The following THADA variants were observed in gnomAD, a reference collection of about 807,000 sequenced individuals.
THADA encodes the protein tRNA (32-2'-O)-methyltransferase regulator THADA.
THADA carries 213 observed loss-of-function variants against 219.8 expected under a neutral mutation model. The observed-to-expected ratio is 0.97, with a 90% CI of 0.87 to 1.09. THADA has a LOEUF of 1.09. Ranked by LOEUF, THADA falls within the 50% of genes least tolerant of loss-of-function variation. The pLI is 0.00. For synonymous variants in THADA, 1,018 were observed against 828.9 expected (o/e 1.23, Z -3.92); for missense variants, 2,956 against 2,311.3 (o/e 1.28, Z -5.72).
intron 26 of THADA, among the ~76,000 whole-genome samples, chr2:43,483,313 A>G (rs1427299193): frequency 3.3e-5 from 5 of 152,244 alleles, no homozygotes; most frequent in Non-Finnish European, 2.9e-5. Flanking sequence ...ACAGGCATAT[A>G]AACATTTAAA....
chr2:43,499,006 C>A, intron 24 of THADA, 51 bp from the exon 25 acceptor site: 1 of 1,540,500 alleles, frequency 6.5e-7, no homozygotes, highest in Non-Finnish European at 8.8e-7. Context: ...ATGGCTAATT[C>A]TAAATCTACA....
intron 29 of THADA, among the ~76,000 whole-genome samples, chr2:43,373,170 T>G (rs1350723954): frequency 6.6e-6 from 1 of 152,220 alleles, no homozygotes; most frequent in Non-Finnish European, 1.5e-5. Flanking sequence ...ATGTATTGGG[T>G]GTTTAAGGTT....
chr2:43,521,448 C>T (rs979978946), intron 22 of THADA, among the ~76,000 whole-genome samples: 3 of 152,056 alleles, frequency 2.0e-5, no homozygotes, highest in African/African-American at 4.8e-5. Flanking sequence ...CCCAGCTACT[C>T]GGGAGGCTGA....
At chr2:43,271,469 G>C (rs541052555) in intron 36 of THADA, among the ~76,000 whole-genome samples, 1 of 152,056 alleles carries the variant, frequency 6.6e-6, no homozygotes, top group Admixed American at 6.5e-5. Flanking sequence ...TTCTTACTGG[G>C]TTTAACTACT....
chr2:43,362,047 G>A (rs1477856317), intron 29 of THADA, among the ~76,000 whole-genome samples: 1 of 152,184 alleles, frequency 6.6e-6, no homozygotes. Context: ...AATAGGCTAA[G>A]AAAGCACATT....
intron 36 of THADA, among the ~76,000 whole-genome samples, chr2:43,262,105 CAT>C (rs1319981840): frequency 1.3e-5 from 2 of 152,312 alleles, no homozygotes; most frequent in Non-Finnish European, 1.5e-5. Context: ...ATCAAAGTGA[CAT>C]AGAGCTGGAT....
intron 28 of THADA, among the ~76,000 whole-genome samples, chr2:43,414,566 C>T (rs1676708948): frequency 2.6e-5 from 4 of 152,168 alleles, no homozygotes; most frequent in Admixed American, 1.3e-4. Flanking sequence ...CTCTTCCTTG[C>T]CATTAAACCT....
rs548772048 is a variant in THADA at position 43,586,584 on chromosome 2, G to C, written c.484+118C>G. ...ACAAAAATTTAAAAGGAAGGGTCAT[G>C]ATGTACCTAAGTTATCTACAATGCT... On this transcript the variant is annotated intron_variant, in intron 6 of 37. Coordinates refer to ENST00000405975, the MANE Select transcript of THADA (RefSeq NM_022065.5). 3.8e-5 allele frequency: 50 copies of C among 1,328,488 alleles called. No homozygotes were observed. The African/African-American group carries it at 7.0e-4, about 18-fold the overall frequency. The allele number at this position is 1,328,488 out of a possible 1,614,324, so 82.3% of individuals were successfully genotyped here. A position where few individuals can be genotyped will look rare whatever the true frequency, so the allele number is the denominator to read the frequency against.
chr2:43,592,342 G>A lies in THADA; in HGVS notation c.51C>T (p.Cys17=). The A allele has an allele frequency of 1.2e-6, 2 of 1,608,066 alleles. No homozygotes were observed. The highest frequency in any genetic ancestry group is 1.7e-6 in the Non-Finnish European group (2 of 1,177,286). The change falls in exon 2 of 38, where the codon TGC becomes TGT. Residue 17 remains cysteine (C), a synonymous_variant. Coordinates refer to ENST00000405975, the MANE Select transcript of THADA (RefSeq NM_022065.5). The part of the protein sequence containing the change: ...KEMQVAALTI[C]HQDLETLKSF... ...ATTTCAAAGTTTCAAGGTCCTGATG[G>A]CAAATGGTCAGCGCAGCAACTTGCA...
rs936501313 is a variant in THADA, at chr2:43,328,133, C to T, written c.4344-7593G>A. On this transcript the variant is annotated intron_variant, in intron 30 of 37. Transcript: ENST00000405975. Reference sequence around the variant, plus strand: ...TTCCAATTTTTACCATGGCCCCCAGCCAAGTAACCATCATATGGCACTCTT... The same window carrying T: ...TTCCAATTTTTACCATGGCCCCCAGTCAAGTAACCATCATATGGCACTCTT... Among the ~76,000 whole-genome samples, 7 of 152,266 alleles carry T rather than the reference C, an allele frequency of 4.6e-5. No homozygotes were observed. In the South Asian group the frequency reaches 1.4e-3, roughly 32 times the overall value.
At chr2:43,567,080 G>A (rs916025973) in intron 14 of THADA, among the ~76,000 whole-genome samples, 1 of 141,312 alleles carries the variant, frequency 7.1e-6, no homozygotes. Flanking sequence ...AGACAGATAC[G>A]TACACTTTTT....
At chr2:43,282,151 G>C (rs185521706) in intron 35 of THADA, among the ~76,000 whole-genome samples, 1 of 152,292 alleles carries the variant, frequency 6.6e-6, no homozygotes, top group African/African-American at 2.4e-5. Flanking sequence ...TTATAAGCTA[G>C]GGTTTGAGTA....
chr2:43,512,751 C>T (rs1284555360), intron 22 of THADA, among the ~76,000 whole-genome samples: 1 of 152,254 alleles, frequency 6.6e-6, no homozygotes, highest in African/African-American at 2.4e-5. Flanking sequence ...ATCCGCCTGC[C>T]TCGGCCTCCC....
chr2:43,317,710 A>G (rs980238848), intron 31 of THADA, among the ~76,000 whole-genome samples: 24 of 152,248 alleles, frequency 1.6e-4, no homozygotes, highest in Non-Finnish European at 2.8e-4. Flanking sequence ...GAAAGAAAAT[A>G]TGCTCCTACT....
intron 21 of THADA, among the ~76,000 whole-genome samples, chr2:43,531,014 T>C (rs1420529965): frequency 1.3e-5 from 2 of 152,212 alleles, no homozygotes; most frequent in Non-Finnish European, 2.9e-5. Context: ...TAATGTAAAA[T>C]TCCTGTTAGA....
chr2:43,280,815 G>T (rs1317871434), intron 35 of THADA, among the ~76,000 whole-genome samples: 1 of 152,160 alleles, frequency 6.6e-6, no homozygotes, highest in South Asian at 2.1e-4. Flanking sequence ...AATAATAAAA[G>T]ATAGTATCTT....
At chr2:43,521,218 GGGCAGGCAGACAAGAA>G (rs1206595874) in intron 22 of THADA, among the ~76,000 whole-genome samples, 3 of 150,992 alleles carry the variant, frequency 2.0e-5, no homozygotes, top group South Asian at 2.1e-4. Flanking sequence ...GAGGGCAGGA[GGGCAGGCAGACAAGAA>G]GGCAGGCAGG....
Position 43,337,694 on chromosome 2 carries a change from T to TACAC in THADA, c.4343+6424_4343+6427dup, listed in dbSNP as rs139544201. On this transcript the variant is annotated intron_variant, in intron 30 of 37. Transcript: ENST00000405975. ...AATAACCCACAATCACACACACTCA[T>TACAC]ACACACACACACACACACACACACA... 7.4e-4 allele frequency among the ~76,000 whole-genome samples: 109 copies of TACAC among 146,386 alleles called. 1 individual carries two copies. The highest frequency in any genetic ancestry group is 3.2e-3 in the Admixed American group (47 of 14,620).
At chr2:43,243,464 A>G (rs182315522) in intron 36 of THADA, among the ~76,000 whole-genome samples, 6 of 152,212 alleles carry the variant, frequency 3.9e-5, no homozygotes, top group East Asian at 3.9e-4. Context: ...CCTGCCTCCA[A>G]TCTCACACAA....
Sources: gnomAD v4.1 joint callset for allele counts (sites outside exome capture counted in the v4.1 genomes callset) on GRCh38, gnomAD v4.1.1 for gene constraint, MANE v1.5 for transcripts, NCBI Gene and HGNC (gene_info 2026-07-23, HGNC 2026-07-21) for gene names.